The following DGKB variants were observed in gnomAD, a reference collection of about 807,000 sequenced individuals.
DGKB encodes the protein 90 kDa diacylglycerol kinase.
In DGKB, 67 loss-of-function variants were observed where a neutral mutation model predicts 114.3. That is an observed-to-expected ratio of 0.59 (90% CI 0.48 to 0.72). The LOEUF is 0.72. DGKB is among the 30% of genes least tolerant of loss of function. The pLI is 0.00. For missense variants in DGKB, 907 were observed against 975.2 expected (o/e 0.93, Z 0.93); for synonymous variants, 398 against 323.1 (o/e 1.23, Z -2.49).
At chr7:14,464,469 T>C (rs2128875271) in intron 21 of DGKB, among the ~76,000 whole-genome samples, 1 of 152,274 alleles carries the variant, frequency 6.6e-6, no homozygotes, top group South Asian at 2.1e-4. Context: ...AAACTGTGTC[T>C]ACATATTAAA....
chr7:14,694,995 T>C (rs1274142029), intron 8 of DGKB, among the ~76,000 whole-genome samples: 1 of 152,050 alleles, frequency 6.6e-6, no homozygotes, highest in Non-Finnish European at 1.5e-5. Context: ...AGAATTCTAA[T>C]GAAGAAAGGA....
rs1562469846 is a variant in DGKB, at chr7:14,148,777, G to A, written c.*354C>T. 4 of 307,520 alleles carry A rather than the reference G, an allele frequency of 1.3e-5. No homozygotes were observed. Among genetic ancestry groups the A allele is most frequent in the Admixed American group, 4.9e-5 (1 of 20,384 alleles). 19.0% of individuals were successfully genotyped at this position (307,520 alleles called of 1,614,324 possible). A position where few individuals can be genotyped will look rare whatever the true frequency, so the allele number is the denominator to read the frequency against. On this transcript the variant is annotated 3_prime_UTR_variant, in exon 26 of 26. Coordinates refer to ENST00000402815, the MANE Select transcript of DGKB (RefSeq NM_001350709.2). ...TAATTGGAATCACACTGAGAATCAC[G>A]TTTCCCATGGTATTTCCTTTTTCAT... is the stretch of plus-strand genomic sequence containing the variant.
chr7:14,202,522 A>G (rs1786065190), intron 23 of DGKB, among the ~76,000 whole-genome samples: 1 of 151,998 alleles, frequency 6.6e-6, no homozygotes. Flanking sequence ...AAAACTGTTA[A>G]TTTCATTATT....
chr7:14,616,732 T>A (rs1189927052), intron 15 of DGKB, among the ~76,000 whole-genome samples: 1 of 151,802 alleles, frequency 6.6e-6, no homozygotes, highest in South Asian at 2.1e-4. Context: ...CAATCTCCCA[T>A]GACTCTTCCA....
intron 22 of DGKB, among the ~76,000 whole-genome samples, chr7:14,343,446 T>C (rs1811958010): frequency 1.3e-5 from 2 of 151,832 alleles, no homozygotes; most frequent in Admixed American, 1.3e-4. Flanking sequence ...ATTTTATCAT[T>C]ATTTAGCATA....
chr7:14,600,936 G>A (rs898859246), intron 17 of DGKB, among the ~76,000 whole-genome samples: 3 of 152,128 alleles, frequency 2.0e-5, no homozygotes, highest in Non-Finnish European at 2.9e-5. Flanking sequence ...GAGTCTCAGA[G>A]GTGGCCCAGC....
At chr7:14,507,953 A>G (rs866201486) in intron 20 of DGKB, among the ~76,000 whole-genome samples, 1 of 152,186 alleles carries the variant, frequency 6.6e-6, no homozygotes, top group Middle Eastern at 3.2e-3. Context: ...ACTGAGTTAG[A>G]TCAATTATTT....
chr7:14,954,129 G>C (rs1209547184), intron 1 of DGKB, among the ~76,000 whole-genome samples: 1 of 152,048 alleles, frequency 6.6e-6, no homozygotes, highest in African/African-American at 2.4e-5. Context: ...TGTAGAAAGG[G>C]AAGGAGGTGT....
At chr7:14,290,301 C>CTGAT (rs971558182) in intron 23 of DGKB, among the ~76,000 whole-genome samples, 9 of 151,968 alleles carry the variant, frequency 5.9e-5, no homozygotes, top group Admixed American at 5.9e-4. Flanking sequence ...CAGAGAATGA[C>CTGAT]TGATTGAAAT....
Position 14,719,207 on chromosome 7 carries a change from G to A in DGKB, c.323-522C>T, listed in dbSNP as rs143175260. ...AAGACATCCTTTTTTACCATCAAGGGACTTGCCCAGGAGTAAGAATAAAGA... is the reference window on the plus strand; with the variant it reads ...AAGACATCCTTTTTTACCATCAAGGAACTTGCCCAGGAGTAAGAATAAAGA... On this transcript the variant is annotated intron_variant, in intron 5 of 25. Transcript: ENST00000402815. Among the ~76,000 whole-genome samples the A allele has an allele frequency of 5.4e-3, 829 of 152,130 alleles. 12 individuals carry two copies. The highest frequency in any genetic ancestry group is 0.019 in the African/African-American group (789 of 41,496).
At chr7:14,764,434 C>A (rs943231471) in intron 2 of DGKB, among the ~76,000 whole-genome samples, 1 of 151,846 alleles carries the variant, frequency 6.6e-6, no homozygotes, top group Non-Finnish European at 1.5e-5. Context: ...AGTGCTTTAT[C>A]TTCATTTAAC....
intron 13 of DGKB, among the ~76,000 whole-genome samples, 182 bp downstream of exon 13, chr7:14,672,747 G>A (rs926412910): frequency 3.3e-5 from 5 of 152,072 alleles, no homozygotes; most frequent in African/African-American, 1.2e-4. Flanking sequence ...AGCGTATTTT[G>A]ACAGAAGGAA....
At chr7:14,968,024 C>A (rs548214182) in intron 1 of DGKB, among the ~76,000 whole-genome samples, 1 of 152,148 alleles carries the variant, frequency 6.6e-6, no homozygotes, top group Admixed American at 6.5e-5. Flanking sequence ...TTCAGCCACA[C>A]TCCATATAGT....
chr7:14,928,853 T>C (rs916518669), intron 1 of DGKB, among the ~76,000 whole-genome samples: 2 of 151,888 alleles, frequency 1.3e-5, no homozygotes, highest in African/African-American at 4.8e-5. Context: ...TGAGTCTCCA[T>C]TGTCTATTAT....
intron 6 of DGKB, among the ~76,000 whole-genome samples, chr7:14,710,522 A>G (rs1441302128): frequency 1.3e-5 from 2 of 152,108 alleles, no homozygotes; most frequent in Non-Finnish European, 2.9e-5. Flanking sequence ...ATGATCTCCA[A>G]CAGAAAGTTG....
intron 4 of DGKB, among the ~76,000 whole-genome samples, chr7:14,740,707 T>C (rs963338121): frequency 3.3e-5 from 5 of 152,114 alleles, no homozygotes; most frequent in African/African-American, 7.2e-5. Context: ...CTAGTATCCA[T>C]GGCATAAATT....
At chr7:14,768,723 T>C (rs1236548824) in intron 2 of DGKB, among the ~76,000 whole-genome samples, 1 of 152,004 alleles carries the variant, frequency 6.6e-6, no homozygotes, top group Non-Finnish European at 1.5e-5. Flanking sequence ...AATCTTTACA[T>C]TTTTTAAAAA....
chr7:14,536,418 T>C (rs1264123667), intron 20 of DGKB, among the ~76,000 whole-genome samples: 2 of 152,166 alleles, frequency 1.3e-5, no homozygotes, highest in Non-Finnish European at 2.9e-5. Flanking sequence ...ATCAATAAAA[T>C]ATTTAGCAAA....
At chr7:14,346,762 A>C (rs1254182815) in intron 21 of DGKB, among the ~76,000 whole-genome samples, 1 of 151,986 alleles carries the variant, frequency 6.6e-6, no homozygotes, top group East Asian at 1.9e-4. Context: ...ATAAATTTAC[A>C]CACTGAAGTC....
Sources: allele counts gnomAD v4.1 joint callset (sites outside exome capture counted in the v4.1 genomes callset), GRCh38; gene constraint gnomAD v4.1.1; transcripts MANE v1.5; gene names NCBI Gene and HGNC (gene_info 2026-07-23, HGNC 2026-07-21).